The following CBFA2T3 variants were observed in gnomAD, a reference collection of about 807,000 sequenced individuals.
CBFA2T3 encodes CBFA2/RUNX1 partner transcriptional co-repressor 3.
A neutral mutation model predicts 58.6 loss-of-function variants in CBFA2T3; 31 were observed. The observed-to-expected ratio is 0.53, with a 90% CI of 0.40 to 0.71. The LOEUF is 0.71. Among genes scored for constraint, CBFA2T3 ranks in the 30% least tolerant of loss-of-function variants. The pLI is 0.00. For missense variants in CBFA2T3, 1,076 were observed against 963.1 expected (o/e 1.12, Z -1.55); for synonymous variants, 531 against 421.9 (o/e 1.26, Z -3.17).
intron 1 of CBFA2T3, among the ~76,000 whole-genome samples, chr16:88,962,477 G>A (rs944541232): frequency 6.6e-6 from 1 of 152,214 alleles, no homozygotes; most frequent in Admixed American, 6.5e-5. Flanking sequence ...CTTCCTCTGT[G>A]CTCAGCAGGA....
chr16:88,890,440 C>A (rs1039687880), intron 5 of CBFA2T3, among the ~76,000 whole-genome samples: 1 of 152,222 alleles, frequency 6.6e-6, no homozygotes, highest in East Asian at 1.9e-4. Context: ...GCAGTACGGG[C>A]AGTGCTCAGG....
intron 1 of CBFA2T3, among the ~76,000 whole-genome samples, chr16:88,968,268 T>C (rs7403922): frequency 0.59 from 89,622 of 152,184 alleles, 27,669 homozygotes; most frequent in East Asian, 0.82. Context: ...AGGGGCTCAG[T>C]AGGGAGGGGC....
intron 1 of CBFA2T3, chr16:88,937,280 C>T (rs1206807092): frequency 6.6e-6 from 1 of 152,274 alleles, no homozygotes; most frequent in East Asian, 1.9e-4. Context: ...ACGAGGTGGA[C>T]GAACAGCGTG....
At chr16:88,903,873 C>T (rs1417931016) in intron 1 of CBFA2T3, among the ~76,000 whole-genome samples, 1 of 152,250 alleles carries the variant, frequency 6.6e-6, no homozygotes, top group African/African-American at 2.4e-5. Context: ...TTCCAAAGCC[C>T]TCCCATGGAG....
chr16:88,952,252 T>A (rs1193874566), intron 1 of CBFA2T3, among the ~76,000 whole-genome samples: 1 of 152,202 alleles, frequency 6.6e-6, no homozygotes. Flanking sequence ...CGTCTATCAT[T>A]GCTGGAGCCA....
chr16:88,958,429 T>C lies in CBFA2T3; in HGVS notation c.151+18228A>G, dbSNP rs62045801. Among the ~76,000 whole-genome samples the C allele has an allele frequency of 0.052, 7,434 of 141,938 alleles. 222 individuals carry two copies. Among genetic ancestry groups the C allele is most frequent in the South Asian group, 0.11 (516 of 4,512 alleles). 93.1% of individuals were successfully genotyped at this position (141,938 alleles called of 152,430 possible). Reference sequence around the variant, plus strand: ...ATTTGGGGTGGGGGTGTTAGAGTAATGCCAGGCGGGGCGGCGGGGGAAGAA... The same window carrying C: ...ATTTGGGGTGGGGGTGTTAGAGTAACGCCAGGCGGGGCGGCGGGGGAAGAA... On this transcript the variant is annotated intron_variant, in intron 1 of 11. Coordinates refer to ENST00000268679, the MANE Select transcript of CBFA2T3 (RefSeq NM_005187.6). The surrounding 1 kb of genome is among the most constrained non-coding windows in gnomAD (Gnocchi z 4.0).
chr16:88,927,593 G>A (rs907638239), intron 1 of CBFA2T3, among the ~76,000 whole-genome samples: 2 of 152,160 alleles, frequency 1.3e-5, no homozygotes, highest in Non-Finnish European at 2.9e-5. Flanking sequence ...AGCCTGGCAT[G>A]CAGCCTGCAG....
At chr16:88,903,416 G>C (rs1437703509) in intron 1 of CBFA2T3, among the ~76,000 whole-genome samples, 1 of 152,138 alleles carries the variant, frequency 6.6e-6, no homozygotes, top group Non-Finnish European at 1.5e-5. Context: ...GAAGCAGCCA[G>C]TAAACAGCCA....
intron 2 of CBFA2T3, among the ~76,000 whole-genome samples, chr16:88,901,219 G>A (rs750530485): frequency 6.6e-6 from 1 of 152,242 alleles, no homozygotes; most frequent in Non-Finnish European, 1.5e-5. Context: ...TGAAAGGCCT[G>A]TGTGGACTCA....
intron 1 of CBFA2T3, among the ~76,000 whole-genome samples, chr16:88,969,798 G>A (rs1027276396): frequency 4.6e-5 from 7 of 152,216 alleles, no homozygotes; most frequent in Non-Finnish European, 2.9e-5. Context: ...AGAGGGCACC[G>A]TGGACCCGGT....
At chr16:88,956,796 C>T (rs1233042402) in intron 1 of CBFA2T3, among the ~76,000 whole-genome samples, 2 of 152,214 alleles carry the variant, frequency 1.3e-5, no homozygotes, top group Non-Finnish European at 2.9e-5. Flanking sequence ...TGGAACTGGA[C>T]CGCATGGCCC....
Position 88,879,325 on chromosome 16 carries a change from C to T in CBFA2T3, c.1607G>A (p.Arg536Gln), listed in dbSNP as rs1197979056. 6 of 1,610,568 alleles carry T rather than the reference C, an allele frequency of 3.7e-6. No homozygotes were observed. The highest frequency in any genetic ancestry group is 2.2e-5 in the East Asian group (1 of 44,840). ...KMERALAEAK[R>Q]QASEDALTVI... ...CGTCAGGGCGTCCTCGGAGGCCTGC[C>T]GCTTCGCCTCGGCCAGGGCCCGCTC... Residue 536 changes from arginine (R) to glutamine (Q), a missense_variant, in exon 11 of 12, where the codon CGG (arginine) becomes CAG (glutamine). By Grantham distance (43) the Arg-to-Gln change is conservative. Transcript: ENST00000268679.
chr16:88,932,043 C>A (rs1971325394), intron 1 of CBFA2T3, among the ~76,000 whole-genome samples: 1 of 152,150 alleles, frequency 6.6e-6, no homozygotes, highest in South Asian at 2.1e-4. Context: ...CACGTGTGCA[C>A]ACCATCACAC....
chr16:88,918,189 CTT>C, intron 1 of CBFA2T3, among the ~76,000 whole-genome samples: 1 of 152,212 alleles, frequency 6.6e-6, no homozygotes, highest in Non-Finnish European at 1.5e-5. Context: ...TGTGGCTTTT[CTT>C]TCTCACCCCC....
At position 88,893,101 on chromosome 16, in the gene CBFA2T3, G is replaced by T. The variant is rs1969715559; in HGVS notation, c.380-616C>A. Among the ~76,000 whole-genome samples the T allele has an allele frequency of 3.3e-5, 5 of 152,090 alleles. No individual in the cohort carries two copies. In the South Asian group the frequency reaches 1.0e-3, roughly 31 times the overall value. On this transcript the variant is annotated intron_variant, in intron 3 of 11. Transcript: ENST00000268679. ...ATGAGAAGTCGCTCATCCCCCGAAA[G>T]GCCAGCTACCATCACCTCTGGCATG...
At chr16:88,897,237 G>A (rs1969921957) in intron 3 of CBFA2T3, among the ~76,000 whole-genome samples, 1 of 152,238 alleles carries the variant, frequency 6.6e-6, no homozygotes, top group African/African-American at 2.4e-5. Flanking sequence ...GCGAGTGCGT[G>A]GCCAGGCCCA....
intron 1 of CBFA2T3, chr16:88,938,230 A>C (rs1971573904): frequency 6.6e-6 from 1 of 152,334 alleles, no homozygotes; most frequent in East Asian, 1.9e-4. Context: ...GTCATGACCG[A>C]GCCCTCAGCC....
chr16:88,910,949 G>A (rs956592304), intron 1 of CBFA2T3, among the ~76,000 whole-genome samples: 3 of 148,946 alleles, frequency 2.0e-5, no homozygotes, highest in African/African-American at 7.9e-5. Context: ...GAGGCGGCCT[G>A]AGAGCCTCAG....
rs141752795 is a variant in CBFA2T3 at position 88,892,958 on chromosome 16, A to T, written c.380-473T>A. Among the ~76,000 whole-genome samples, 1,254 of 152,286 alleles carry T rather than the reference A, an allele frequency of 8.2e-3. 7 individuals carry two copies. The highest frequency in any genetic ancestry group is 0.037 in the Middle Eastern group (11 of 294). On this transcript the variant is annotated intron_variant, in intron 3 of 11. Coordinates refer to ENST00000268679, the MANE Select transcript of CBFA2T3 (RefSeq NM_005187.6). The stretch of plus-strand genomic sequence containing the variant: ...GGCCCCTACGCCTGGCCTGGGAGAC[A>T]CCAACCCTACCAGGCTGGCTCAGGT...
Sources: gnomAD v4.1 joint callset for allele counts (sites outside exome capture counted in the v4.1 genomes callset) on GRCh38, gnomAD v4.1.1 for gene constraint, Gnocchi (gnomAD v3.1) non-coding constraint, MANE v1.5 for transcripts, NCBI Gene and HGNC (gene_info 2026-07-23, HGNC 2026-07-21) for gene names.